Variants in BMAL2 observed in about 807,000 individuals in gnomAD.
BMAL2 encodes basic helix-loop-helix ARNT like 2.
the BMAL2 span, chr12:27,389,801 T>C: frequency 4.1e-6 from 1 of 244,564 alleles, no homozygotes; most frequent in Non-Finnish European, 7.7e-6. Context: ...AAGGTTTTTT[T>C]CATTTTTTAA....
chr12:27,361,305 AAT>A, the BMAL2 span, among the ~76,000 whole-genome samples: 1 of 152,232 alleles, frequency 6.6e-6, no homozygotes, highest in African/African-American at 2.4e-5. Context: ...AGACCTTTGA[AAT>A]ATTGCAAGAT....
At chr12:27,400,851 G>C in the BMAL2 span, 3 of 1,303,948 alleles carry the variant, frequency 2.3e-6, no homozygotes, top group Non-Finnish European at 3.1e-6. Context: ...TAGTAGCACT[G>C]CTAGTTTTTC....
the BMAL2 span, among the ~76,000 whole-genome samples, chr12:27,336,343 C>T: frequency 6.6e-6 from 1 of 152,260 alleles, no homozygotes; most frequent in African/African-American, 2.4e-5. Flanking sequence ...CATCCCAGCC[C>T]TCTGTAGCCC....
the BMAL2 span, among the ~76,000 whole-genome samples, chr12:27,408,070 A>G: frequency 2.6e-5 from 4 of 152,198 alleles, no homozygotes; most frequent in African/African-American, 9.7e-5. Flanking sequence ...GAATAGACCA[A>G]TAACAGGCTC....
At chr12:27,410,875 T>C in the BMAL2 span, among the ~76,000 whole-genome samples, 2 of 152,064 alleles carry the variant, frequency 1.3e-5, no homozygotes, top group East Asian at 3.8e-4. Flanking sequence ...TAAATAAAAA[T>C]ATTTGGTAAA....
the BMAL2 span, among the ~76,000 whole-genome samples, chr12:27,386,983 A>G: frequency 6.6e-6 from 1 of 152,178 alleles, no homozygotes; most frequent in African/African-American, 2.4e-5. Context: ...TCTCAACTAA[A>G]TATTCTGCAG....
chr12:27,356,959 G>T, the BMAL2 span, among the ~76,000 whole-genome samples: 1 of 147,804 alleles, frequency 6.8e-6, no homozygotes, highest in Non-Finnish European at 1.5e-5. Flanking sequence ...TTATGCCTTT[G>T]TGTCCTCATA....
At chr12:27,417,773 C>T in the BMAL2 span, among the ~76,000 whole-genome samples, 11 of 151,754 alleles carry the variant, frequency 7.2e-5, no homozygotes, top group African/African-American at 2.7e-4. Flanking sequence ...GCGGGCAGAT[C>T]ATGAGGTCAG....
the BMAL2 span, among the ~76,000 whole-genome samples, chr12:27,363,229 G>C: frequency 4.6e-5 from 7 of 152,240 alleles, no homozygotes; most frequent in Non-Finnish European, 1.0e-4. Flanking sequence ...AAAATTTCAA[G>C]TTTCCAGTTT....
the BMAL2 span, among the ~76,000 whole-genome samples, chr12:27,377,022 A>C: frequency 7.4e-5 from 11 of 148,306 alleles, no homozygotes; most frequent in Non-Finnish European, 9.0e-5. Context: ...AAAAAAAAAA[A>C]AAGAAACCCA....
chr12:27,346,938 A>G, the BMAL2 span, among the ~76,000 whole-genome samples: 2 of 152,094 alleles, frequency 1.3e-5, no homozygotes, highest in Non-Finnish European at 2.9e-5. Context: ...CTGGTTGCTA[A>G]AAAGAGCCTG....
At chr12:27,399,405 C>T in the BMAL2 span, among the ~76,000 whole-genome samples, 1 of 152,180 alleles carries the variant, frequency 6.6e-6, no homozygotes, top group African/African-American at 2.4e-5. Flanking sequence ...TGGAGCCAGC[C>T]TGAGTTTTAA....
the BMAL2 span, chr12:27,423,887 A>G: frequency 6.6e-6 from 1 of 152,218 alleles, no homozygotes; most frequent in Non-Finnish European, 1.5e-5. Flanking sequence ...TGTCCAGTGC[A>G]GTAGCCACTA....
the BMAL2 span, among the ~76,000 whole-genome samples, chr12:27,391,941 A>G: frequency 0.016 from 2,487 of 152,268 alleles, 30 homozygotes; most frequent in Non-Finnish European, 0.028. Flanking sequence ...GCCGAAATAG[A>G]GGTGAAGAGG....
chr12:27,345,572 T>C, the BMAL2 span, among the ~76,000 whole-genome samples: 2 of 152,220 alleles, frequency 1.3e-5, no homozygotes, highest in Admixed American at 6.5e-5. Context: ...CACTGCAGCC[T>C]CCACGCCTTG....
At chr12:27,382,123 C>T in the BMAL2 span, among the ~76,000 whole-genome samples, 1 of 152,196 alleles carries the variant, frequency 6.6e-6, no homozygotes, top group African/African-American at 2.4e-5. Context: ...AAATAAGCTT[C>T]TCTTTTACCC....
At chr12:27,377,845 G>A in the BMAL2 span, among the ~76,000 whole-genome samples, 35,502 of 151,972 alleles carry the variant, frequency 0.23, 4,322 homozygotes, top group African/African-American at 0.32. Flanking sequence ...TATCCACTTC[G>A]CCCAACAGTG....
chr12:27,372,930 C>T, the BMAL2 span, among the ~76,000 whole-genome samples: 1 of 152,182 alleles, frequency 6.6e-6, no homozygotes, highest in East Asian at 1.9e-4. Context: ...ACCTCGGCCT[C>T]CCAAAGTGCT....
chr12:27,349,152 G>T, the BMAL2 span, among the ~76,000 whole-genome samples: 4 of 152,168 alleles, frequency 2.6e-5, no homozygotes, highest in Non-Finnish European at 5.9e-5. Flanking sequence ...CATTGCCTGG[G>T]TTACTAGTGA....
Sources: allele counts gnomAD v4.1 joint callset (sites outside exome capture counted in the v4.1 genomes callset), GRCh38; gene constraint gnomAD v4.1.1; transcripts MANE v1.5; gene names NCBI Gene and HGNC (gene_info 2026-07-23, HGNC 2026-07-21).